Variants in EYA4 observed in about 807,000 individuals in gnomAD.
EYA4 encodes EYA transcriptional coactivator and phosphatase 4, also known as protein phosphatase EYA4.
A neutral mutation model predicts 87.9 loss-of-function variants in EYA4; 31 were observed. The observed-to-expected ratio is 0.35, with a 90% confidence interval of 0.27 to 0.48. EYA4 has a LOEUF of 0.48. Ranked by LOEUF, EYA4 falls within the 20% of genes least tolerant of loss-of-function variation. The probability of loss-of-function intolerance (pLI) is 0.99; values close to 1 mark genes in which losing one functional copy is unlikely to be tolerated. For synonymous variants in EYA4, 263 were observed against 270.6 expected, an observed-to-expected ratio of 0.97 and a Z score of 0.28; for missense variants, 678 against 761.4, an observed-to-expected ratio of 0.89 and a Z score of 1.29.
In EYA4 at chr6:133,529,535, A is replaced by C. The variant is rs1800884981; in HGVS notation, c.*730A>C. On this transcript the variant is annotated 3_prime_UTR_variant, in exon 20 of 20. Transcript: ENST00000355286. ...TCTGTAGATAATGAAAAAAAACAAA[A>C]AAAAAAACCTTTGTGATGATTCTTA... The C allele has an allele frequency of 4.1e-6, 4 of 984,796 alleles. No homozygotes were observed. The highest frequency in any genetic ancestry group is 4.8e-6 in the Non-Finnish European group (4 of 829,042). The allele number at this position is 984,796 out of a possible 1,614,324, so 61.0% of individuals were successfully genotyped here. A position where few individuals can be genotyped will look rare whatever the true frequency, so the allele number is the denominator to read the frequency against.
rs571844928 is a variant in EYA4 at position 133,371,489 on chromosome 6, T to C, written c.34-10903T>C. 4.6e-5 allele frequency among the ~76,000 whole-genome samples: 7 copies of C among 152,328 alleles called. No individual in the cohort carries two copies. In the East Asian group the frequency reaches 1.3e-3, roughly 29 times the overall value. ...GAAAGTTCACTAAACCACTAAAATG[T>C]TACTTATCAAAAATGACCAAGAAAA... On this transcript the variant is annotated intron_variant, in intron 2 of 19. Transcript: ENST00000355286.
At chr6:133,287,321 G>A (rs1391115378) in intron 2 of EYA4, among the ~76,000 whole-genome samples, 5 of 152,188 alleles carry the variant, frequency 3.3e-5, no homozygotes, top group Non-Finnish European at 7.3e-5. Flanking sequence ...AGATAGACTA[G>A]GTTACACCTT....
chr6:133,364,935 T>G (rs143407179), intron 2 of EYA4, among the ~76,000 whole-genome samples: 4 of 152,326 alleles, frequency 2.6e-5, no homozygotes, highest in African/African-American at 9.6e-5. Context: ...CCTCTTTTTG[T>G]CCTTTCTTGG....
chr6:133,517,256 C>G (rs1172102693), intron 17 of EYA4, among the ~76,000 whole-genome samples: 3 of 151,622 alleles, frequency 2.0e-5, no homozygotes, highest in African/African-American at 7.3e-5. Flanking sequence ...AGAGGATCAG[C>G]AAAAAGAAAA....
At chr6:133,286,098 G>A (rs1778037204) in intron 2 of EYA4, among the ~76,000 whole-genome samples, 1 of 152,180 alleles carries the variant, frequency 6.6e-6, no homozygotes, top group Non-Finnish European at 1.5e-5. Flanking sequence ...GAATGAGGCA[G>A]TGAGAAGCCC....
At chr6:133,253,938 A>G (rs368318027) in intron 1 of EYA4, among the ~76,000 whole-genome samples, 1 of 152,296 alleles carries the variant, frequency 6.6e-6, no homozygotes, top group South Asian at 2.1e-4. Flanking sequence ...GCACTATTCC[A>G]TGCATATCTT....
At chr6:133,336,967 T>C (rs1321325156) in intron 2 of EYA4, among the ~76,000 whole-genome samples, 4 of 152,204 alleles carry the variant, frequency 2.6e-5, no homozygotes, top group African/African-American at 4.8e-5. Flanking sequence ...GAAAACAGTT[T>C]CTGGTCCTTG....
chr6:133,348,423 C>G (rs941587853), intron 2 of EYA4, among the ~76,000 whole-genome samples: 3 of 151,816 alleles, frequency 2.0e-5, no homozygotes, highest in African/African-American at 7.3e-5. Flanking sequence ...CGCCACCATG[C>G]CCGGCTAATT....
chr6:133,331,428 T>G (rs1781952636), intron 2 of EYA4, among the ~76,000 whole-genome samples: 1 of 152,208 alleles, frequency 6.6e-6, no homozygotes, highest in African/African-American at 2.4e-5. Context: ...ATCATCAGCA[T>G]TATTTAAAAG....
chr6:133,402,666 A>C (rs986820690), intron 3 of EYA4, among the ~76,000 whole-genome samples: 2 of 152,058 alleles, frequency 1.3e-5, no homozygotes, highest in African/African-American at 4.8e-5. Context: ...ATATGCTTAC[A>C]TCTCTGTCTA....
intron 1 of EYA4, among the ~76,000 whole-genome samples, chr6:133,267,000 T>A (rs1776276934): frequency 6.6e-6 from 1 of 152,148 alleles, no homozygotes; most frequent in African/African-American, 2.4e-5. Context: ...AAGACAAACA[T>A]TCCCTTCCCC....
At chr6:133,407,825 A>G (rs1443974669) in intron 3 of EYA4, among the ~76,000 whole-genome samples, 2 of 152,178 alleles carry the variant, frequency 1.3e-5, no homozygotes, top group East Asian at 1.9e-4. Flanking sequence ...ATATTTCTCA[A>G]ATTCCTAGAC....
At chr6:133,299,933 ATCTATCTATCTATCTATC>A (rs1779253018) in intron 2 of EYA4, among the ~76,000 whole-genome samples, 1 of 81,154 alleles carries the variant, frequency 1.2e-5, no homozygotes, top group African/African-American at 4.7e-5. Flanking sequence ...ATCTCTATCT[ATCTATCTATCTATCTATC>A]TATCTATATA....
chr6:133,400,821 GA>G (rs1788200058), intron 3 of EYA4, among the ~76,000 whole-genome samples: 1 of 151,928 alleles, frequency 6.6e-6, no homozygotes, highest in South Asian at 2.1e-4. Flanking sequence ...TTAAATTGTA[GA>G]CTTTTTCTTA....
chr6:133,380,657 C>A (rs937008814), intron 2 of EYA4, among the ~76,000 whole-genome samples: 1 of 152,072 alleles, frequency 6.6e-6, no homozygotes, highest in African/African-American at 2.4e-5. Flanking sequence ...AGGCAAGAAC[C>A]AGTAGGAAAG....
At position 133,408,302 on chromosome 6, in the gene EYA4, A is replaced by G. The variant is rs947043769; in HGVS notation, c.83+25861A>G. Among the ~76,000 whole-genome samples the G allele has an allele frequency of 1.6e-4, 24 of 152,186 alleles. 1 individual carries two copies. Among genetic ancestry groups the G allele is most frequent in the Non-Finnish European group, 2.9e-5 (2 of 68,028 alleles). On this transcript the variant is annotated intron_variant, in intron 3 of 19. Coordinates refer to ENST00000355286, the MANE Select transcript of EYA4 (RefSeq NM_004100.5). ...GACATCTGGCTTCTTGGCTGATTCC[A>G]TGCACACTTTTGTTAATGGGCTCAG...
At chr6:133,382,794 C>CAAAA (rs34082768) in intron 3 of EYA4, among the ~76,000 whole-genome samples, 5 of 130,888 alleles carry the variant, frequency 3.8e-5, no homozygotes, top group Non-Finnish European at 3.2e-5. Context: ...TCTGTGTTTA[C>CAAAA]AAAAAAAAAA....
chr6:133,518,237 A>C (rs544346468), intron 17 of EYA4, among the ~76,000 whole-genome samples: 28 of 151,888 alleles, frequency 1.8e-4, no homozygotes, highest in African/African-American at 6.5e-4. Flanking sequence ...TATATATACT[A>C]TATAATATAT....
At chr6:133,427,032 G>A (rs942408904) in intron 3 of EYA4, among the ~76,000 whole-genome samples, 2 of 152,148 alleles carry the variant, frequency 1.3e-5, no homozygotes, top group Admixed American at 6.5e-5. Flanking sequence ...GAGAATTTTT[G>A]TCTGTATTGT....
Sources: allele counts gnomAD v4.1 joint callset (sites outside exome capture counted in the v4.1 genomes callset), GRCh38; gene constraint gnomAD v4.1.1; transcripts MANE v1.5; gene names NCBI Gene and HGNC (gene_info 2026-07-23, HGNC 2026-07-21).